The following ADAMTS2 variants were observed in gnomAD, a reference collection of about 807,000 sequenced individuals.
ADAMTS2 encodes A disintegrin and metalloproteinase with thrombospondin motifs 2.
A neutral mutation model predicts 123.0 loss-of-function variants in ADAMTS2; 50 were observed. The ratio of observed to expected loss-of-function variants is 0.41; its 90% CI spans 0.32 to 0.51. The LOEUF is 0.51. Ranked by LOEUF, ADAMTS2 falls within the 20% of genes least tolerant of loss-of-function variation. The pLI is 0.35. For synonymous variants in ADAMTS2, 678 were observed against 695.4 expected, an observed-to-expected ratio of 0.98 and a Z score of 0.39; for missense variants, 1,494 against 1,705.2, an observed-to-expected ratio of 0.88 and a Z score of 2.18.
chr5:179,300,985 CA>C (rs1469316832), intron 2 of ADAMTS2, among the ~76,000 whole-genome samples: 1 of 152,106 alleles, frequency 6.6e-6, no homozygotes, highest in Non-Finnish European at 1.5e-5. Context: ...GCACAAGCCC[CA>C]AACACAGGCT....
In ADAMTS2 at chr5:179,112,175, T is replaced by C. The variant is rs1181209629; in HGVS notation, c.*1692A>G. 1 of 152,266 alleles carries C rather than the reference T, an allele frequency of 6.6e-6. No individual in the cohort carries two copies. The highest frequency in any genetic ancestry group is 1.5e-5 in the Non-Finnish European group (1 of 68,060). 9.4% of individuals were successfully genotyped at this position (152,266 alleles called of 1,614,324 possible). A position where few individuals can be genotyped will look rare whatever the true frequency, so the allele number is the denominator to read the frequency against. On this transcript the variant is annotated 3_prime_UTR_variant, in exon 22 of 22. Coordinates refer to ENST00000251582, the MANE Select transcript of ADAMTS2 (RefSeq NM_014244.5). Reference sequence around the variant, plus strand: ...ACTCAGTAGAAGGTAGCCACTATGCTGTTATCCTGAGCCTCATCCATATAA... The same window carrying C: ...ACTCAGTAGAAGGTAGCCACTATGCCGTTATCCTGAGCCTCATCCATATAA...
chr5:179,237,608 G>A (rs2113443460), intron 3 of ADAMTS2, among the ~76,000 whole-genome samples: 1 of 152,330 alleles, frequency 6.6e-6, no homozygotes, highest in East Asian at 1.9e-4. Context: ...GCTCTGGGAG[G>A]CTGGGGGAGA....
chr5:179,160,486 A>G (rs1017559573), intron 5 of ADAMTS2, among the ~76,000 whole-genome samples: 2 of 152,224 alleles, frequency 1.3e-5, no homozygotes, highest in African/African-American at 4.8e-5. Context: ...GGGTATTGTT[A>G]GCAAGCCAGT....
In ADAMTS2 at chr5:179,192,038, C is replaced by T. The variant is rs935630353; in HGVS notation, c.892-10883G>A. ...GCCTAAGTGGCCCAGGCGTCAGACC[C>T]GACCACCTCAGAGCAAAGCTGAGGA... On this transcript the variant is annotated intron_variant, in intron 4 of 21. Coordinates refer to ENST00000251582, the MANE Select transcript of ADAMTS2 (RefSeq NM_014244.5). 2.6e-5 allele frequency among the ~76,000 whole-genome samples: 4 copies of T among 152,206 alleles called. 1 individual carries two copies. Among genetic ancestry groups the T allele is most frequent in the Middle Eastern group, 3.4e-3 (1 of 292 alleles).
At chr5:179,318,797 T>C (rs1445347843) in intron 2 of ADAMTS2, among the ~76,000 whole-genome samples, 1 of 151,122 alleles carries the variant, frequency 6.6e-6, no homozygotes, top group African/African-American at 2.4e-5. Context: ...GTTGAGACGT[T>C]GGGGCCTGGC....
chr5:179,138,790 C>G (rs898514216), intron 11 of ADAMTS2, among the ~76,000 whole-genome samples: 2 of 152,178 alleles, frequency 1.3e-5, no homozygotes, highest in Non-Finnish European at 2.9e-5. Flanking sequence ...GACTGCGGGT[C>G]CTCTCTGGCT....
chr5:179,276,558 G>A (rs1197198727), intron 2 of ADAMTS2, among the ~76,000 whole-genome samples: 4 of 152,182 alleles, frequency 2.6e-5, no homozygotes, highest in Admixed American at 6.5e-5. Context: ...AGCACATGCA[G>A]CCTGGGAGAC....
chr5:179,170,642 C>T lies in ADAMTS2; in HGVS notation c.975+10430G>A, dbSNP rs1000756130. On this transcript the variant is annotated intron_variant, in intron 5 of 21. Coordinates refer to ENST00000251582, the MANE Select transcript of ADAMTS2 (RefSeq NM_014244.5). This position sits in a 1 kb window ranked among gnomAD's most constrained non-coding sequence, Gnocchi z 4.3. ...TTGGACACAGGAGCTAGGCCTTTTG[C>T]CCCCAGATCTTGGCTGGGAAGTCCC... Among the ~76,000 whole-genome samples, 2 of 152,130 alleles carry T rather than the reference C, an allele frequency of 1.3e-5. No homozygotes were observed. The highest frequency in any genetic ancestry group is 2.9e-5 in the Non-Finnish European group (2 of 68,006).
chr5:179,266,581 T>C (rs901531995), intron 3 of ADAMTS2, among the ~76,000 whole-genome samples: 2 of 152,330 alleles, frequency 1.3e-5, no homozygotes, highest in African/African-American at 2.4e-5. Context: ...TTCAGAGTTC[T>C]GAGCTCCCGA....
At chr5:179,195,015 C>T (rs1046836345) in intron 4 of ADAMTS2, among the ~76,000 whole-genome samples, 1 of 152,208 alleles carries the variant, frequency 6.6e-6, no homozygotes, top group African/African-American at 2.4e-5. Context: ...GCTGTGCCAC[C>T]ACCAGGAGTC....
intron 2 of ADAMTS2, among the ~76,000 whole-genome samples, chr5:179,324,041 C>T (rs751810602): frequency 1.6e-4 from 24 of 152,220 alleles, no homozygotes; most frequent in Non-Finnish European, 3.1e-4. Context: ...AAGCCAGACA[C>T]AAAGGGCAAA....
At chr5:179,251,061 C>T (rs140883089) in intron 3 of ADAMTS2, among the ~76,000 whole-genome samples, 12 of 152,312 alleles carry the variant, frequency 7.9e-5, no homozygotes, top group African/African-American at 2.4e-4. Flanking sequence ...AGGGCTCAGC[C>T]GGCACCTGAA....
intron 3 of ADAMTS2, among the ~76,000 whole-genome samples, chr5:179,211,157 C>T (rs1033630488): frequency 1.3e-5 from 2 of 152,262 alleles, no homozygotes; most frequent in African/African-American, 4.8e-5. Flanking sequence ...TGCTGCTCTC[C>T]CCTCCTCCCC....
rs574652702 is a variant in ADAMTS2, at chr5:179,240,471, G to A, written c.688+32440C>T. The stretch of plus-strand genomic sequence containing the variant: ...GACAAGGCGGCAGCATCAATGGCCT[G>A]CAGGTTTGCTGGAGCACAGGTCGGA... On this transcript the variant is annotated intron_variant, in intron 3 of 21. Coordinates refer to ENST00000251582, the MANE Select transcript of ADAMTS2 (RefSeq NM_014244.5). Among the ~76,000 whole-genome samples the A allele has an allele frequency of 1.2e-3, 190 of 152,300 alleles. 1 individual carries two copies. In the Middle Eastern group the frequency reaches 0.02, roughly 16 times the overall value.
In ADAMTS2 at chr5:179,242,203, G is replaced by C. The variant is rs893588037; in HGVS notation, c.688+30708C>G. Among the ~76,000 whole-genome samples, 6 of 152,234 alleles carry C rather than the reference G, an allele frequency of 3.9e-5. No individual in the cohort carries two copies. On this transcript the variant is annotated intron_variant, in intron 3 of 21. Transcript: ENST00000251582. This position sits in a 1 kb window ranked among gnomAD's most constrained non-coding sequence, Gnocchi z 4.2. Reference sequence around the variant, plus strand: ...CTGAGAAGGAAGTCTCTGCAGAAGAGAGCCAAGTCCTAGGAGGAGGAGAGA... The same window carrying C: ...CTGAGAAGGAAGTCTCTGCAGAAGACAGCCAAGTCCTAGGAGGAGGAGAGA...
intron 4 of ADAMTS2, among the ~76,000 whole-genome samples, chr5:179,183,273 C>G (rs1764090239): frequency 6.6e-6 from 1 of 152,202 alleles, no homozygotes; most frequent in Non-Finnish European, 1.5e-5. Context: ...GTATTGCTTT[C>G]TCTATCACGA....
intron 3 of ADAMTS2, among the ~76,000 whole-genome samples, chr5:179,254,211 G>A (rs1205405954): frequency 6.6e-6 from 1 of 152,126 alleles, no homozygotes; most frequent in Non-Finnish European, 1.5e-5. Flanking sequence ...TATTCATGTC[G>A]CTGGGCATAT....
chr5:179,258,729 C>T (rs548632463), intron 3 of ADAMTS2, among the ~76,000 whole-genome samples: 64 of 152,286 alleles, frequency 4.2e-4, no homozygotes, highest in African/African-American at 1.1e-3. Context: ...ATGATTCTAG[C>T]GAGCGCCACC....
intron 3 of ADAMTS2, among the ~76,000 whole-genome samples, chr5:179,270,476 C>T (rs1766499464): frequency 6.6e-6 from 1 of 152,184 alleles, no homozygotes. Context: ...ACTGATATAT[C>T]AGGGTTCCCT....
Sources: allele counts gnomAD v4.1 joint callset (sites outside exome capture counted in the v4.1 genomes callset), GRCh38; gene constraint gnomAD v4.1.1; non-coding constraint Gnocchi (gnomAD v3.1); transcripts MANE v1.5; gene names NCBI Gene and HGNC (gene_info 2026-07-23, HGNC 2026-07-21).